BBS9: variants seen among roughly 807,000 people sequenced by gnomAD.
The protein encoded by BBS9 is Bardet-Biedl syndrome 9, also known as protein PTHB1.
A neutral mutation model predicts 117.7 loss-of-function variants in BBS9; 89 were observed. That is an observed-to-expected ratio of 0.76 (90% CI 0.64 to 0.90). BBS9 has a LOEUF of 0.90. Among genes scored for constraint, BBS9 ranks in the 40% least tolerant of loss-of-function variants. The pLI, the probability that BBS9 is intolerant of heterozygous loss-of-function variation, is 0.00. For synonymous variants in BBS9, 379 were observed against 370.9 expected (o/e 1.02, Z -0.25); for missense variants, 982 against 1,042.2 (o/e 0.94, Z 0.80).
chr7:33,389,860 C>CAAATATGGA (rs1826751306), intron 19 of BBS9, among the ~76,000 whole-genome samples: 1 of 152,088 alleles, frequency 6.6e-6, no homozygotes, highest in African/African-American at 2.4e-5. Flanking sequence ...CCCTTACCCT[C>CAAATATGGA]CCAGAACTTC....
intron 2 of BBS9, among the ~76,000 whole-genome samples, chr7:33,150,620 T>G (rs1453431795): frequency 6.6e-6 from 1 of 152,108 alleles, no homozygotes; most frequent in African/African-American, 2.4e-5. Flanking sequence ...TATACAGTGA[T>G]TTATTAGGTG....
At chr7:33,598,429 G>T (rs1414110260) in intron 21 of BBS9, among the ~76,000 whole-genome samples, 1 of 152,088 alleles carries the variant, frequency 6.6e-6, no homozygotes, top group African/African-American at 2.4e-5. Context: ...ATGTTATGAA[G>T]TATTCTGGAT....
At chr7:33,272,790 A>G (rs1352513997) in intron 7 of BBS9, among the ~76,000 whole-genome samples, 2 of 152,140 alleles carry the variant, frequency 1.3e-5, no homozygotes, top group Non-Finnish European at 2.9e-5. Context: ...CAGAATAGTT[A>G]ATATCATTTG....
At position 33,363,946 on chromosome 7, in the gene BBS9, A is replaced by T. The variant is rs1220993176; in HGVS notation, c.1694-3821A>T. On this transcript the variant is annotated intron_variant, in intron 16 of 22. Transcript: ENST00000242067. The stretch of plus-strand genomic sequence containing the variant: ...TCACTATATTTTTATTTTTTTTTTT[A>T]TTTTTTATTTTTTTTTTTTTGAGAC... Among the ~76,000 whole-genome samples, 44 of 31,684 alleles carry T rather than the reference A, an allele frequency of 1.4e-3. 1 individual carries two copies. Among genetic ancestry groups the T allele is most frequent in the Non-Finnish European group, 1.6e-3 (25 of 15,310 alleles). The allele number at this position is 31,684 out of a possible 152,430, so 20.8% of individuals were successfully genotyped here. A position where few individuals can be genotyped will look rare whatever the true frequency, so the allele number is the denominator to read the frequency against.
chr7:33,486,218 AC>A (rs1355678929), intron 19 of BBS9, among the ~76,000 whole-genome samples: 1 of 152,054 alleles, frequency 6.6e-6, no homozygotes, highest in Non-Finnish European at 1.5e-5. Context: ...ACAATACTGA[AC>A]CCTCTTGGAA....
chr7:33,366,526 T>C (rs957261310), intron 16 of BBS9, among the ~76,000 whole-genome samples: 3 of 147,926 alleles, frequency 2.0e-5, no homozygotes, highest in African/African-American at 7.4e-5. Flanking sequence ...ATGTTTCTTT[T>C]TTTTTTTCTT....
intron 21 of BBS9, among the ~76,000 whole-genome samples, chr7:33,620,046 A>C (rs574755513): frequency 4.6e-5 from 7 of 152,130 alleles, no homozygotes; most frequent in Non-Finnish European, 8.8e-5. Flanking sequence ...GAAAAGATCA[A>C]TGAAGAGTTG....
intron 5 of BBS9, among the ~76,000 whole-genome samples, chr7:33,202,981 G>C (rs1216934169): frequency 1.3e-5 from 2 of 152,092 alleles, no homozygotes; most frequent in African/African-American, 2.4e-5. Flanking sequence ...GGAAAACAAG[G>C]GGCTCCCCCA....
chr7:33,552,291 C>T (rs545354311), intron 21 of BBS9, among the ~76,000 whole-genome samples: 124 of 152,276 alleles, frequency 8.1e-4, no homozygotes, highest in African/African-American at 2.8e-3. Flanking sequence ...ACAGAAGATG[C>T]TCAACAGATC....
chr7:33,437,277 C>A (rs966109623), intron 19 of BBS9, among the ~76,000 whole-genome samples: 1 of 152,174 alleles, frequency 6.6e-6, no homozygotes, highest in African/African-American at 2.4e-5. Flanking sequence ...ATGGCTCACC[C>A]TTTGTGAAAG....
chr7:33,422,379 T>G (rs1419563234), intron 19 of BBS9, among the ~76,000 whole-genome samples: 1 of 152,226 alleles, frequency 6.6e-6, no homozygotes, highest in Admixed American at 6.5e-5. Flanking sequence ...CTGATTTTTC[T>G]TACTGTTGGT....
At chr7:33,305,854 T>A (rs997085593) in intron 9 of BBS9, among the ~76,000 whole-genome samples, 3 of 152,082 alleles carry the variant, frequency 2.0e-5, no homozygotes, top group African/African-American at 7.2e-5. Context: ...AAAAACCAGC[T>A]TTTCATTTGG....
At chr7:33,235,398 C>G (rs1793287764) in intron 5 of BBS9, among the ~76,000 whole-genome samples, 1 of 152,050 alleles carries the variant, frequency 6.6e-6, no homozygotes, top group African/African-American at 2.4e-5. Flanking sequence ...TTTATTACTA[C>G]TTTTAAGCAA....
chr7:33,557,545 C>CT (rs33947240), intron 21 of BBS9, among the ~76,000 whole-genome samples: 152,289 of 152,290 alleles, frequency 1, 76,144 homozygotes, highest in Non-Finnish European at 1. Flanking sequence ...AGTTTCATTC[C>CT]TTTGCAATTA....
intron 9 of BBS9, among the ~76,000 whole-genome samples, chr7:33,294,541 G>T (rs1804867621): frequency 6.6e-6 from 1 of 152,124 alleles, no homozygotes; most frequent in Admixed American, 6.5e-5. Flanking sequence ...GGCAGCATCT[G>T]CCCTCTCCCT....
At chr7:33,534,231 G>C (rs964585020) in intron 21 of BBS9, 55 bp downstream of exon 21, 1 of 1,542,360 alleles carries the variant, frequency 6.5e-7, no homozygotes, top group Non-Finnish European at 8.9e-7. Flanking sequence ...TAAATTAGAG[G>C]AATGTGCCTG....
In BBS9 at chr7:33,213,984, G is replaced by A. The variant is rs112462249; in HGVS notation, c.442+36393G>A. ...ACACAGCCACTCCCCTAGCCACCCC[G>A]GATTGTGTCTCCCTAGCTCAAGTGC... On this transcript the variant is annotated intron_variant, in intron 5 of 22. Transcript: ENST00000242067. 4.6e-5 allele frequency among the ~76,000 whole-genome samples: 7 copies of A among 152,162 alleles called. 1 individual carries two copies. The highest frequency in any genetic ancestry group is 1.4e-4 in the African/African-American group (6 of 41,504).
intron 5 of BBS9, among the ~76,000 whole-genome samples, chr7:33,204,593 G>A (rs1786553089): frequency 6.6e-6 from 1 of 151,886 alleles, no homozygotes; most frequent in African/African-American, 2.4e-5. Flanking sequence ...CATGGAGAAA[G>A]GTCCTTCCTC....
At chr7:33,546,149 G>A (rs1853327399) in intron 21 of BBS9, among the ~76,000 whole-genome samples, 1 of 151,868 alleles carries the variant, frequency 6.6e-6, no homozygotes, top group South Asian at 2.1e-4. Flanking sequence ...TAGCCAGGAT[G>A]GTCTTGATCT....
Sources: allele counts gnomAD v4.1 joint callset (sites outside exome capture counted in the v4.1 genomes callset), GRCh38; gene constraint gnomAD v4.1.1; transcripts MANE v1.5; gene names NCBI Gene and HGNC (gene_info 2026-07-23, HGNC 2026-07-21).